Variants in SPATA17 observed in about 807,000 individuals in gnomAD.
The protein encoded by SPATA17 is spermatogenesis associated 17.
Under a neutral mutation model 62.2 loss-of-function variants are expected in SPATA17, and 53 were observed. The ratio of observed to expected loss-of-function variants is 0.85; its 90% CI spans 0.68 to 1.07. The LOEUF is 1.07. Ranked by LOEUF, SPATA17 falls within the 50% of genes least tolerant of loss-of-function variation. SPATA17 has a pLI of 0.00. For missense variants in SPATA17, 466 were observed against 425.5 expected, an observed-to-expected ratio of 1.10 and a Z score of -0.84; for synonymous variants, 146 against 146.8, an observed-to-expected ratio of 0.99 and a Z score of 0.04.
At chr1:217,778,184 G>A (rs1673639568) in intron 7 of SPATA17, among the ~76,000 whole-genome samples, 1 of 152,144 alleles carries the variant, frequency 6.6e-6, no homozygotes, top group South Asian at 2.1e-4. Context: ...AGCAGTTAAG[G>A]TAGATGTAAC....
Position 217,782,392 on chromosome 1 carries a change from TCTAATA to T in SPATA17, c.872+73_872+78del, listed in dbSNP as rs1402307020. 4 of 1,428,810 alleles carry T rather than the reference TCTAATA, an allele frequency of 2.8e-6. No homozygotes were observed. The Admixed American group carries it at 1.0e-4, about 37-fold the overall frequency. The allele number at this position is 1,428,810 out of a possible 1,614,324, so 88.5% of individuals were successfully genotyped here. A position where few individuals can be genotyped will look rare whatever the true frequency, so the allele number is the denominator to read the frequency against. Reference sequence around the variant, plus strand: ...CTTAAATTTTCTAATTTTTTTATTTTCTAATACTGTAAAAAATCTTTTATTTGTGAG... The same window carrying T: ...CTTAAATTTTCTAATTTTTTTATTTTCTGTAAAAAATCTTTTATTTGTGAG... On this transcript the variant is annotated intron_variant, in intron 8 of 10. Transcript: ENST00000366933.
chr1:217,864,476 A>AATATATACATATGTATGTGTGTATAC (rs1307477864), intron 10 of SPATA17, among the ~76,000 whole-genome samples: 3 of 152,074 alleles, frequency 2.0e-5, no homozygotes, highest in East Asian at 3.9e-4. Context: ...ATTTCACTTA[A>AATATATACATATGTATGTGTGTATAC]ATATATACAT....
chr1:217,827,471 T>C (rs1675023157), intron 9 of SPATA17, among the ~76,000 whole-genome samples: 1 of 152,104 alleles, frequency 6.6e-6, no homozygotes, highest in Non-Finnish European at 1.5e-5. Flanking sequence ...AACATGGCAA[T>C]TCATCCAAGA....
chr1:217,825,676 A>T (rs903015296), intron 9 of SPATA17, among the ~76,000 whole-genome samples: 2 of 152,002 alleles, frequency 1.3e-5, no homozygotes, highest in African/African-American at 4.8e-5. Flanking sequence ...GGATATTTAC[A>T]TCTTTAAATT....
intron 5 of SPATA17, among the ~76,000 whole-genome samples, chr1:217,688,446 G>A (rs1671273482): frequency 6.6e-6 from 1 of 152,120 alleles, no homozygotes. Flanking sequence ...CTTCAAAACA[G>A]TGTTAAGAGA....
intron 3 of SPATA17, among the ~76,000 whole-genome samples, chr1:217,658,337 C>T (rs1174817842): frequency 6.6e-6 from 1 of 152,166 alleles, no homozygotes; most frequent in Non-Finnish European, 1.5e-5. Flanking sequence ...CCCTCTCTTG[C>T]CATGTGACAT....
At chr1:217,755,168 A>G (rs1673010764) in intron 6 of SPATA17, among the ~76,000 whole-genome samples, 1 of 152,118 alleles carries the variant, frequency 6.6e-6, no homozygotes, top group Non-Finnish European at 1.5e-5. Flanking sequence ...TAAAAAATAT[A>G]AAATTGATTT....
Position 217,714,488 on chromosome 1 carries a change from C to CTTT in SPATA17, c.396-27475_396-27473dup, listed in dbSNP as rs750665329. ...TGAGTTGAACGTGGAAAACGTGTTT[C>CTTT]TTTTTTTTTTTTTTGAGACAGAGTC... On this transcript the variant is annotated intron_variant, in intron 5 of 10. Transcript: ENST00000366933. 3.0e-4 allele frequency among the ~76,000 whole-genome samples: 36 copies of CTTT among 121,414 alleles called. 4 individuals are homozygous for CTTT. In the Middle Eastern group the frequency reaches 0.018, roughly 62 times the overall value. The allele number at this position is 121,414 out of a possible 152,430, so 79.7% of individuals were successfully genotyped here.
At chr1:217,856,059 T>C (rs1287127532) in intron 9 of SPATA17, among the ~76,000 whole-genome samples, 3 of 152,078 alleles carry the variant, frequency 2.0e-5, no homozygotes, top group South Asian at 2.1e-4. Context: ...AGATACAGTA[T>C]ATAAAAACAG....
chr1:217,643,004 G>A (rs1351449975), intron 1 of SPATA17, among the ~76,000 whole-genome samples: 4 of 152,034 alleles, frequency 2.6e-5, no homozygotes, highest in African/African-American at 7.2e-5. Flanking sequence ...TTATGTTGCT[G>A]CTCTCTGGAC....
chr1:217,825,068 A>G (rs1202545348), intron 9 of SPATA17, among the ~76,000 whole-genome samples: 9 of 150,888 alleles, frequency 6.0e-5, no homozygotes, highest in East Asian at 1.9e-4. Context: ...TTATATGAAT[A>G]CATATATTCA....
chr1:217,700,000 C>A (rs1468173210), intron 5 of SPATA17, among the ~76,000 whole-genome samples: 2 of 152,138 alleles, frequency 1.3e-5, no homozygotes, highest in South Asian at 2.1e-4. Flanking sequence ...TTTGGACTTT[C>A]CCTTCTGTCC....
chr1:217,715,526 G>A lies in SPATA17; in HGVS notation c.396-26449G>A, dbSNP rs553701816. On this transcript the variant is annotated intron_variant, in intron 5 of 10. Transcript: ENST00000366933. ...GCCTTTTCATGATCTGTGTAGTGCTGATGAAATATCACATTTATGAGAAAA... is the reference window on the plus strand; with the variant it reads ...GCCTTTTCATGATCTGTGTAGTGCTAATGAAATATCACATTTATGAGAAAA... 2.6e-5 allele frequency among the ~76,000 whole-genome samples: 4 copies of A among 152,222 alleles called. No individual in the cohort carries two copies. The South Asian group carries it at 6.2e-4, about 24-fold the overall frequency.
chr1:217,775,380 CCTT>C (rs963014522), intron 7 of SPATA17, among the ~76,000 whole-genome samples: 1 of 152,062 alleles, frequency 6.6e-6, no homozygotes, highest in African/African-American at 2.4e-5. Context: ...TCTATGGGCT[CCTT>C]CTCTACTCTG....
In SPATA17 at chr1:217,864,880, A is replaced by T. The variant is rs556110744; in HGVS notation, c.*2+2024A>T. ...AAATTATTTATACAGAAAGACAAAGATGAGTAACAAATGGTGTAGATTATT... is the reference window on the plus strand; with the variant it reads ...AAATTATTTATACAGAAAGACAAAGTTGAGTAACAAATGGTGTAGATTATT... On this transcript the variant is annotated intron_variant, in intron 10 of 10. Coordinates refer to ENST00000366933, the MANE Select transcript of SPATA17 (RefSeq NM_138796.4). Among the ~76,000 whole-genome samples the T allele has an allele frequency of 2.0e-5, 3 of 152,302 alleles. No individual in the cohort carries two copies. The South Asian group carries it at 6.2e-4, about 32-fold the overall frequency.
chr1:217,762,666 G>T lies in SPATA17; in HGVS notation c.520-11668G>T, dbSNP rs540947440. 6.6e-4 allele frequency among the ~76,000 whole-genome samples: 101 copies of T among 152,250 alleles called. No individual in the cohort carries two copies. The South Asian group carries it at 0.019, about 29-fold the overall frequency. Reference sequence around the variant, plus strand: ...GGTTCTCAGCCCTGGCTGCACATCAGCTTTAAAAAACAAAACTAAACTAGG... The same window carrying T: ...GGTTCTCAGCCCTGGCTGCACATCATCTTTAAAAAACAAAACTAAACTAGG... On this transcript the variant is annotated intron_variant, in intron 6 of 10. Coordinates refer to ENST00000366933, the MANE Select transcript of SPATA17 (RefSeq NM_138796.4).
chr1:217,698,539 G>A (rs12075053), intron 5 of SPATA17, among the ~76,000 whole-genome samples: 36,085 of 150,178 alleles, frequency 0.24, 4,653 homozygotes, highest in African/African-American at 0.32. Flanking sequence ...AAAAAAGTTA[G>A]CCTTTGCCTT....
intron 4 of SPATA17, among the ~76,000 whole-genome samples, chr1:217,682,788 C>T (rs1283735264): frequency 1.3e-5 from 2 of 152,024 alleles, no homozygotes; most frequent in East Asian, 3.9e-4. Flanking sequence ...ATTAAAATGT[C>T]ATAATTAAGA....
At chr1:217,756,915 C>T (rs889929611) in intron 6 of SPATA17, among the ~76,000 whole-genome samples, 4 of 152,160 alleles carry the variant, frequency 2.6e-5, no homozygotes, top group African/African-American at 7.2e-5. Flanking sequence ...TTTTATGAGA[C>T]GAAGGGATGT....
Sources: allele counts gnomAD v4.1 joint callset (sites outside exome capture counted in the v4.1 genomes callset), GRCh38; gene constraint gnomAD v4.1.1; transcripts MANE v1.5; gene names NCBI Gene and HGNC (gene_info 2026-07-23, HGNC 2026-07-21).